Variants in RASAL3 observed in about 807,000 individuals in gnomAD.
The protein encoded by RASAL3 is RAS protein activator like 3, also known as RAS protein activator like-3.
A neutral mutation model predicts 105.5 loss-of-function variants in RASAL3; 74 were observed. That is an observed-to-expected ratio of 0.70 (90% CI 0.58 to 0.85). The LOEUF (loss-of-function observed/expected upper bound fraction) is 0.85. RASAL3 is among the 40% of genes least tolerant of loss of function. The pLI, the probability that RASAL3 is intolerant of heterozygous loss-of-function variation, is 0.00. For missense variants in RASAL3, 1,352 were observed against 1,392.0 expected, an observed-to-expected ratio of 0.97 and a Z score of 0.46; for synonymous variants, 579 against 591.6, an observed-to-expected ratio of 0.98 and a Z score of 0.31.
Position 15,464,170 on chromosome 19 carries a change from A to T in RASAL3, c.189T>A (p.Pro63=), listed in dbSNP as rs756084400. The change falls in exon 2 of 18, where the codon CCT becomes CCA. Residue 63 remains proline, a synonymous_variant. Coordinates refer to ENST00000343625, the MANE Select transcript of RASAL3 (RefSeq NM_022904.3). ...ATAGGACCCGACGGAATATCGAGCG[A>T]GGGGCTGGCTGGGTGCTGACCATGG... ...QEPMVSTQPA[P]RSIFRRVLSA... The T allele has an allele frequency of 6.2e-7, 1 of 1,612,920 alleles. No homozygotes were observed.
In RASAL3 at chr19:15,463,871, G is replaced by T. The variant is rs888323942; in HGVS notation, c.328+160C>A. Among the ~76,000 whole-genome samples the T allele has an allele frequency of 4.6e-5, 7 of 152,158 alleles. No homozygotes were observed. In the East Asian group the frequency reaches 1.3e-3, roughly 29 times the overall value. On this transcript the variant is annotated intron_variant, in intron 2 of 17. Transcript: ENST00000343625. ...CAACTCCTCCTACCCTCTTTAGGGG[G>T]AAAGAGGGAACAGGGTAGCTGGGCC...
rs1970303950 is a variant in RASAL3 at position 15,456,035 on chromosome 19, C to T, written c.1721+69G>A. On this transcript the variant is annotated intron_variant, in intron 11 of 17. Coordinates refer to ENST00000343625, the MANE Select transcript of RASAL3 (RefSeq NM_022904.3). The surrounding 1 kb of genome is among the most constrained non-coding windows in gnomAD (Gnocchi z 4.4). The stretch of plus-strand genomic sequence containing the variant: ...TGTCTCCTGTATTTTATCTGGCCAC[C>T]CTAAACTGGAGGTCGGGGCTAGCAT... The T allele has an allele frequency of 3.2e-6, 5 of 1,550,788 alleles. No homozygotes were observed. Among genetic ancestry groups the T allele is most frequent in the Non-Finnish European group, 4.4e-6 (5 of 1,137,154 alleles).
rs1233381867 is a variant in RASAL3 at position 15,451,630 on chromosome 19, T to C, written c.*165A>G. On this transcript the variant is annotated 3_prime_UTR_variant, in exon 18 of 18. Coordinates refer to ENST00000343625, the MANE Select transcript of RASAL3 (RefSeq NM_022904.3). ...TGGGCAAAGAAACCACCAATTTCACTGAAATCAAGATTTTACTGGGCAACT... is the reference window on the plus strand; with the variant it reads ...TGGGCAAAGAAACCACCAATTTCACCGAAATCAAGATTTTACTGGGCAACT... The C allele has an allele frequency of 1.2e-5, 8 of 683,776 alleles. No homozygotes were observed. In the East Asian group the frequency reaches 2.1e-4, roughly 18 times the overall value. 42.4% of individuals were successfully genotyped at this position (683,776 alleles called of 1,614,324 possible).
intron 16 of RASAL3, 153 bp downstream of exon 16, chr19:15,452,505 C>A: frequency 1.4e-6 from 1 of 695,398 alleles, no homozygotes; most frequent in South Asian, 2.1e-5. Flanking sequence ...CGGGGCTTGC[C>A]AAGAGGCAGG....
At position 15,454,274 on chromosome 19, in the gene RASAL3, A is replaced by T; in HGVS notation, c.2161-7T>A. On this transcript the variant is annotated splice_polypyrimidine_tract_variant and splice_region_variant and intron_variant, in intron 13 of 17. Transcript: ENST00000343625. Reference sequence around the variant, plus strand: ...CCAGGGTGTCTCGGGTTGTCTGGTGAGGCATGCAGGACAGAGACTGAGCAA... The same window carrying T: ...CCAGGGTGTCTCGGGTTGTCTGGTGTGGCATGCAGGACAGAGACTGAGCAA... 2 of 1,564,194 alleles carry T rather than the reference A, an allele frequency of 1.3e-6. No individual in the cohort carries two copies. The highest frequency in any genetic ancestry group is 1.2e-5 in the South Asian group (1 of 85,354).
In RASAL3 at chr19:15,452,703, T is replaced by C; in HGVS notation, c.2783A>G (p.Gln928Arg). 10 of 1,552,728 alleles carry C rather than the reference T, an allele frequency of 6.4e-6. No homozygotes were observed. The highest frequency in any genetic ancestry group is 8.7e-6 in the Non-Finnish European group (10 of 1,147,902). ...CAGATCCTGCAGCTGGCCCCGCAGC[T>C]GCTCCTGCTGCTCCGTCAAGGCCCG... ...QIRALTEQQE[Q>R]LRGQLQDLDS... Residue 928 changes from glutamine to arginine, a missense_variant, in exon 16 of 18, where the codon CAG (glutamine) becomes CGG (arginine). Transcript: ENST00000343625.
Position 15,453,758 on chromosome 19 carries a change from G to A in RASAL3, c.2280-261C>T, listed in dbSNP as rs949907473. ...CTACCAGCACATGCCACTATACCCAGGTAATTTTTTTTTTTTTTGGTAGAG... is the reference window on the plus strand; with the variant it reads ...CTACCAGCACATGCCACTATACCCAAGTAATTTTTTTTTTTTTTGGTAGAG... On this transcript the variant is annotated intron_variant, in intron 14 of 17. Transcript: ENST00000343625. The surrounding 1 kb of genome is among the most constrained non-coding windows in gnomAD (Gnocchi z 4.2). 3.3e-5 allele frequency among the ~76,000 whole-genome samples: 5 copies of A among 151,478 alleles called. No individual in the cohort carries two copies. The highest frequency in any genetic ancestry group is 1.2e-4 in the African/African-American group (5 of 41,018).
At chr19:15,461,631 G>A (rs1970515473) in intron 2 of RASAL3, 24 bp from the exon 3 acceptor site, 4 of 1,497,620 alleles carry the variant, frequency 2.7e-6, no homozygotes, top group Non-Finnish European at 3.6e-6. Context: ...GAGGCACTGG[G>A]GGACTTAAGA....
intron 2 of RASAL3, among the ~76,000 whole-genome samples, chr19:15,463,133 G>A (rs1435713996): frequency 1.1e-4 from 16 of 149,334 alleles, no homozygotes; most frequent in South Asian, 2.1e-4. Flanking sequence ...TCGCCCAGGC[G>A]GGAGTGCAGT....
intron 2 of RASAL3, 58 bp from the exon 3 acceptor site, chr19:15,461,665 C>A: frequency 6.9e-7 from 1 of 1,444,312 alleles, no homozygotes; most frequent in Admixed American, 3.1e-5. Context: ...CCTCAGGCTA[C>A]CCTTTCCATT....
chr19:15,451,730 A>G lies in RASAL3; in HGVS notation c.*65T>C. 6 of 1,528,366 alleles carry G rather than the reference A, an allele frequency of 3.9e-6. No individual in the cohort carries two copies. The South Asian group carries it at 5.0e-5, about 13-fold the overall frequency. The allele number at this position is 1,528,366 out of a possible 1,614,324, so 94.7% of individuals were successfully genotyped here. A position where few individuals can be genotyped will look rare whatever the true frequency, so the allele number is the denominator to read the frequency against. On this transcript the variant is annotated 3_prime_UTR_variant, in exon 18 of 18. Coordinates refer to ENST00000343625, the MANE Select transcript of RASAL3 (RefSeq NM_022904.3). ...CCAAGTAGGGCTAAGGCAAAGTCAG[A>G]CACCCCCCCTAAGATGGCTATCTCT...
rs1280635578 is a variant in RASAL3, at chr19:15,457,589, C to A, written c.1134G>T (p.Ala378=). The A allele has an allele frequency of 7.7e-7, 1 of 1,299,226 alleles. No individual in the cohort carries two copies. The highest frequency in any genetic ancestry group is 9.8e-7 in the Non-Finnish European group (1 of 1,019,750). 80.5% of individuals were successfully genotyped at this position (1,299,226 alleles called of 1,614,324 possible). ...LRLRGLGPGS[A]VLGRVALALE... Reference sequence around the variant, plus strand: ...GCGCCAGGGCCACGCGGCCCAGCACCGCGCTTCCCGGGCCCAAGCCGCGCA... The same window carrying A: ...GCGCCAGGGCCACGCGGCCCAGCACAGCGCTTCCCGGGCCCAAGCCGCGCA... The change falls in exon 9 of 18, where the codon GCG becomes GCT. Residue 378 remains alanine, a synonymous_variant. Transcript: ENST00000343625. The surrounding 1 kb of genome is among the most constrained non-coding windows in gnomAD (Gnocchi z 8.6).
In RASAL3 at chr19:15,453,247, T is replaced by A. The variant is rs988057493; in HGVS notation, c.2530A>T (p.Met844Leu). ...PWPRPKGSLS[M>L]GPAPRARPWT... is the part of the protein sequence containing the mutation. Reference sequence around the variant, plus strand: ...GGCCGGGCGCGGGGCGCTGGTCCCATGCTCAGGGAGCCTTTGGGTCGCGGC... The same window carrying A: ...GGCCGGGCGCGGGGCGCTGGTCCCAAGCTCAGGGAGCCTTTGGGTCGCGGC... The change falls in exon 15 of 18, where the codon ATG becomes TTG. Residue 844 changes from methionine (M) to leucine (L), a missense_variant. Physicochemically the swap from Met to Leu is conservative, Grantham distance 15 (BLOSUM62 2). Around this residue, in one of 3 missense-constraint regions of RASAL3, gnomAD observed 920 missense variants for 919.6 expected, o/e 1.00. Coordinates refer to ENST00000343625, the MANE Select transcript of RASAL3 (RefSeq NM_022904.3). This position sits in a 1 kb window ranked among gnomAD's most constrained non-coding sequence, Gnocchi z 4.2. 4.4e-6 allele frequency: 7 copies of A among 1,587,786 alleles called. No homozygotes were observed. In the Admixed American group the frequency reaches 5.3e-5, roughly 12 times the overall value.
chr19:15,452,368 G>C, intron 16 of RASAL3: 1 of 593,776 alleles, frequency 1.7e-6, no homozygotes, highest in Non-Finnish European at 3.0e-6. Flanking sequence ...TGGAGGGAGT[G>C]CCCAGGCTGA....
Position 15,454,869 on chromosome 19 carries a change from G to C in RASAL3, c.1746C>G (p.Ile582Met), listed in dbSNP as rs752325829. The C allele has an allele frequency of 2.2e-5, 34 of 1,566,838 alleles. No individual in the cohort carries two copies. In the Middle Eastern group the frequency reaches 1.8e-3, roughly 84 times the overall value. Residue 582 changes from isoleucine to methionine, a missense_variant, in exon 12 of 18, where the codon ATC becomes ATG. Coordinates refer to ENST00000343625, the MANE Select transcript of RASAL3 (RefSeq NM_022904.3). ...ATGCTTCTCGCCAGCTTGAGAACAC[G>C]ATGCCCAGCTCCGCAGGGAACCAGC... The part of the protein sequence containing the change: ...SYDWFPAELG[I>M]VFSSWREACK...
At chr19:15,458,457 C>G in intron 7 of RASAL3, 31 bp from the exon 8 acceptor site, 2 of 1,613,204 alleles carry the variant, frequency 1.2e-6, no homozygotes, top group Non-Finnish European at 1.7e-6. Flanking sequence ...ACGGTGTGAT[C>G]GAGGCCAAGG....
At chr19:15,460,362 C>T (rs536033308) in intron 5 of RASAL3, 104 bp from the exon 6 acceptor site, 11 of 997,864 alleles carry the variant, frequency 1.1e-5, no homozygotes, top group African/African-American at 8.1e-5. Flanking sequence ...AGGACCAACA[C>T]CAAGCTCAGG....
intron 3 of RASAL3, 56 bp from the exon 4 acceptor site, chr19:15,461,352 A>T: frequency 3.6e-5 from 57 of 1,564,162 alleles, no homozygotes; most frequent in Non-Finnish European, 4.9e-5. Flanking sequence ...GCAGGCAGGC[A>T]GGCAGACCGA....
chr19:15,456,813 C>T lies in RASAL3; in HGVS notation c.1432-167G>A. 2.4e-6 allele frequency: 2 copies of T among 821,320 alleles called. No individual in the cohort carries two copies. Among genetic ancestry groups the T allele is most frequent in the South Asian group, 1.8e-5 (1 of 55,816 alleles). 50.9% of individuals were successfully genotyped at this position (821,320 alleles called of 1,614,324 possible). On this transcript the variant is annotated intron_variant, in intron 9 of 17. Transcript: ENST00000343625. The surrounding 1 kb of genome is among the most constrained non-coding windows in gnomAD (Gnocchi z 4.4). ...CATAACCGAGGCCGGAACCTCTAACCCTCACAGCAGAAATTTAAGCCTTTC... is the reference window on the plus strand; with the variant it reads ...CATAACCGAGGCCGGAACCTCTAACTCTCACAGCAGAAATTTAAGCCTTTC...
Sources: gnomAD v4.1 joint callset for allele counts (sites outside exome capture counted in the v4.1 genomes callset) on GRCh38, gnomAD v4.1.1 for gene constraint, gnomAD v4.1.1 regional missense constraint, Gnocchi (gnomAD v3.1) non-coding constraint, MANE v1.5 for transcripts, NCBI Gene and HGNC (gene_info 2026-07-23, HGNC 2026-07-21) for gene names.